GABRB1: variants seen among roughly 807,000 people sequenced by gnomAD.
GABRB1 encodes the protein gamma-aminobutyric acid type A receptor subunit beta1, also known as gamma-aminobutyric acid receptor subunit beta-1.
Under a neutral mutation model 51.6 loss-of-function variants are expected in GABRB1, and 17 were observed. The observed-to-expected ratio is 0.33, with a 90% CI of 0.23 to 0.49. GABRB1 has a LOEUF of 0.49. GABRB1 is among the 20% of genes least tolerant of loss of function. The pLI is 0.99. For synonymous variants in GABRB1, 247 were observed against 218.9 expected (o/e 1.13, Z -1.14); for missense variants, 410 against 600.6 (o/e 0.68, Z 3.32).
In GABRB1 at chr4:47,254,114, C is replaced by T. The variant is rs73247688; in HGVS notation, c.462-66013C>T. Among the ~76,000 whole-genome samples, 1,434 of 152,130 alleles carry T rather than the reference C, an allele frequency of 9.4e-3. 19 individuals are homozygous for T. Among genetic ancestry groups the T allele is most frequent in the Non-Finnish European group, 0.011 (729 of 67,986 alleles). ...GTGTTGTTTTGGAAATGTGATAGTT[C>T]ACTTTCTTGTCTAATTATGCCCACT... On this transcript the variant is annotated intron_variant, in intron 4 of 8. Transcript: ENST00000295454.
intron 3 of GABRB1, among the ~76,000 whole-genome samples, chr4:47,085,993 A>C (rs1728040577): frequency 6.6e-6 from 1 of 152,252 alleles, no homozygotes. Flanking sequence ...TAATGGCAGA[A>C]GAAGCAAATT....
At chr4:47,058,944 G>T (rs549522257) in intron 3 of GABRB1, among the ~76,000 whole-genome samples, 2 of 152,136 alleles carry the variant, frequency 1.3e-5, no homozygotes, top group African/African-American at 4.8e-5. Flanking sequence ...TAAGTAAAAT[G>T]GTGGTTTATA....
chr4:47,275,422 G>A (rs1210320073), intron 4 of GABRB1, among the ~76,000 whole-genome samples: 1 of 152,106 alleles, frequency 6.6e-6, no homozygotes, highest in Non-Finnish European at 1.5e-5. Flanking sequence ...TACAAGCTGA[G>A]TGACTTTGGG....
At chr4:47,040,889 G>A (rs1467689149) in intron 3 of GABRB1, among the ~76,000 whole-genome samples, 1 of 152,112 alleles carries the variant, frequency 6.6e-6, no homozygotes, top group Non-Finnish European at 1.5e-5. Context: ...AGTATTTAGA[G>A]CATACTTTTC....
At chr4:47,191,710 A>T (rs747450690) in intron 4 of GABRB1, among the ~76,000 whole-genome samples, 28 of 152,190 alleles carry the variant, frequency 1.8e-4, no homozygotes, top group African/African-American at 2.9e-4. Context: ...GGAAAAAAAA[A>T]TTAGGAAAGA....
At chr4:47,001,970 G>A (rs1724244143) in intron 1 of GABRB1, among the ~76,000 whole-genome samples, 1 of 152,112 alleles carries the variant, frequency 6.6e-6, no homozygotes, top group Non-Finnish European at 1.5e-5. Flanking sequence ...ACAACTTATT[G>A]TTTTTATTAG....
At chr4:47,159,311 G>C (rs1717837405) in intron 3 of GABRB1, among the ~76,000 whole-genome samples, 1 of 151,876 alleles carries the variant, frequency 6.6e-6, no homozygotes, top group Non-Finnish European at 1.5e-5. Context: ...AAAAAAAAGA[G>C]GCATCTTAGG....
At chr4:47,355,049 G>A (rs1260801561) in intron 5 of GABRB1, among the ~76,000 whole-genome samples, 4 of 135,920 alleles carry the variant, frequency 2.9e-5, no homozygotes, top group Admixed American at 7.8e-5. Flanking sequence ...GCAGTGGCGC[G>A]ATCTTGGCTC....
intron 4 of GABRB1, among the ~76,000 whole-genome samples, chr4:47,163,815 C>T (rs1718061552): frequency 1.3e-5 from 2 of 151,928 alleles, no homozygotes; most frequent in Non-Finnish European, 1.5e-5. Flanking sequence ...GATCCACCAA[C>T]CTTAAAAAAA....
chr4:47,087,390 A>G (rs1728122243), intron 3 of GABRB1, among the ~76,000 whole-genome samples: 1 of 152,294 alleles, frequency 6.6e-6, no homozygotes, highest in East Asian at 1.9e-4. Context: ...TCCATTATAT[A>G]GGCAGGCTGG....
chr4:47,123,665 TATGA>T (rs1715932445), intron 3 of GABRB1, among the ~76,000 whole-genome samples: 1 of 78,920 alleles, frequency 1.3e-5, no homozygotes, highest in African/African-American at 5.2e-5. Flanking sequence ...TATAAATATA[TATGA>T]TATGATATAT....
intron 4 of GABRB1, among the ~76,000 whole-genome samples, chr4:47,228,545 A>G (rs1352154045): frequency 6.6e-6 from 1 of 152,114 alleles, no homozygotes; most frequent in Admixed American, 6.6e-5. Flanking sequence ...TAGATACTTA[A>G]CATATGGTTG....
chr4:47,109,177 G>C (rs1171564298), intron 3 of GABRB1, among the ~76,000 whole-genome samples: 1 of 152,068 alleles, frequency 6.6e-6, no homozygotes, highest in African/African-American at 2.4e-5. Flanking sequence ...TTGAAGGATA[G>C]CTTAGAGTGG....
At chr4:47,373,369 T>C (rs1727276113) in intron 5 of GABRB1, among the ~76,000 whole-genome samples, 1 of 152,180 alleles carries the variant, frequency 6.6e-6, no homozygotes, top group Non-Finnish European at 1.5e-5. Flanking sequence ...TGTTTGTAGT[T>C]CTCTCCAGAA....
intron 5 of GABRB1, among the ~76,000 whole-genome samples, chr4:47,398,199 T>G (rs1430367601): frequency 6.6e-6 from 1 of 152,216 alleles, no homozygotes; most frequent in Non-Finnish European, 1.5e-5. Flanking sequence ...TTTTATATAT[T>G]AAAGTTATCA....
At chr4:47,211,417 C>A (rs1440554573) in intron 4 of GABRB1, among the ~76,000 whole-genome samples, 1 of 152,148 alleles carries the variant, frequency 6.6e-6, no homozygotes, top group South Asian at 2.1e-4. Context: ...ATAATACTCA[C>A]TTTAAAAATG....
intron 5 of GABRB1, among the ~76,000 whole-genome samples, chr4:47,347,009 C>T (rs1303723210): frequency 6.6e-6 from 1 of 152,072 alleles, no homozygotes; most frequent in African/African-American, 2.4e-5. Flanking sequence ...GGCAGGGCGC[C>T]GGTGACTCAC....
chr4:47,027,366 G>T (rs1725132434), upstream of GABRB1, among the ~76,000 whole-genome samples: 1 of 151,366 alleles, frequency 6.6e-6, no homozygotes, highest in Non-Finnish European at 1.5e-5. Flanking sequence ...TACATAACAG[G>T]AAGTAAAAAT....
intron 8 of GABRB1, among the ~76,000 whole-genome samples, chr4:47,409,161 T>G (rs60107979): frequency 0.38 from 57,620 of 151,664 alleles, 11,704 homozygotes; most frequent in African/African-American, 0.52. Context: ...GCATCTAGAG[T>G]TGGGTGCCTG....
Sources: gnomAD v4.1 joint callset for allele counts (sites outside exome capture counted in the v4.1 genomes callset) on GRCh38, gnomAD v4.1.1 for gene constraint, MANE v1.5 for transcripts, NCBI Gene and HGNC (gene_info 2026-07-23, HGNC 2026-07-21) for gene names.